CAMTA1: variants seen among roughly 807,000 people sequenced by gnomAD.
CAMTA1 encodes the protein calmodulin-binding transcription activator 1.
In CAMTA1, 27 loss-of-function variants were observed where a neutral mutation model predicts 170.9. The ratio of observed to expected loss-of-function variants is 0.16; its 90% CI spans 0.12 to 0.22. The LOEUF (loss-of-function observed/expected upper bound fraction) is 0.22. CAMTA1 is among the 10% of genes least tolerant of loss of function. The pLI is 1.00. For synonymous variants in CAMTA1, 833 were observed against 891.5 expected (o/e 0.93, Z 1.17); for missense variants, 1,619 against 2,217.2 (o/e 0.73, Z 5.42).
intron 11 of CAMTA1, among the ~76,000 whole-genome samples, chr1:7,718,122 G>C (rs1162728172): frequency 6.6e-6 from 1 of 151,926 alleles, no homozygotes; most frequent in Non-Finnish European, 1.5e-5. Context: ...TGTAGTCCCG[G>C]TGGCTAACAA....
chr1:7,680,833 G>A lies in CAMTA1; in HGVS notation c.2914+3100G>A, dbSNP rs868035028. Among the ~76,000 whole-genome samples the A allele has an allele frequency of 4.4e-5, 6 of 135,140 alleles. No homozygotes were observed. The highest frequency in any genetic ancestry group is 2.0e-4 in the East Asian group (1 of 4,908). 88.7% of individuals were successfully genotyped at this position (135,140 alleles called of 152,430 possible). ...CCGGGGGGGGGCGTGGGTCCGGGGCGCAGAGAACACGCGCGCGCGCGCGCG... is the reference window on the plus strand; with the variant it reads ...CCGGGGGGGGGCGTGGGTCCGGGGCACAGAGAACACGCGCGCGCGCGCGCG... On this transcript the variant is annotated intron_variant, in intron 11 of 22. Transcript: ENST00000303635. This position sits in a 1 kb window ranked among gnomAD's most constrained non-coding sequence, Gnocchi z 4.4.
At chr1:7,342,430 A>C (rs1306523794) in intron 5 of CAMTA1, among the ~76,000 whole-genome samples, 4 of 152,138 alleles carry the variant, frequency 2.6e-5, no homozygotes, top group Non-Finnish European at 5.9e-5. Flanking sequence ...TTCCCTGCTA[A>C]ATGGTTTCCT....
chr1:7,531,939 AT>A (rs1489974414), intron 6 of CAMTA1, among the ~76,000 whole-genome samples: 1 of 152,024 alleles, frequency 6.6e-6, no homozygotes, highest in African/African-American at 2.4e-5. Flanking sequence ...ACAGATAGTA[AT>A]TTTTTTCTAA....
chr1:6,937,138 A>G (rs1403079140), intron 3 of CAMTA1, among the ~76,000 whole-genome samples: 2 of 150,968 alleles, frequency 1.3e-5, no homozygotes, highest in Admixed American at 6.6e-5. Flanking sequence ...TACCACCACC[A>G]TCACCATCAC....
intron 5 of CAMTA1, among the ~76,000 whole-genome samples, chr1:7,347,555 G>C (rs180723525): frequency 1.3e-5 from 2 of 152,218 alleles, no homozygotes; most frequent in African/African-American, 4.8e-5. Flanking sequence ...GGTTTCCATA[G>C]CAAATTACCA....
intron 16 of CAMTA1, among the ~76,000 whole-genome samples, chr1:7,741,937 T>C (rs1300668070): frequency 2.5e-5 from 3 of 118,370 alleles, no homozygotes; most frequent in African/African-American, 8.8e-5. Context: ...ATGCCCGGCC[T>C]CGGGTTGTTT....
intron 5 of CAMTA1, among the ~76,000 whole-genome samples, chr1:7,398,191 CTCTATATATATATATATATATA>C (rs1368779299): frequency 2.6e-4 from 7 of 26,910 alleles, no homozygotes; most frequent in Admixed American, 1.8e-3. Context: ...CTCTCTCTCT[CTCTATATATATATATATATATA>C]TATATATATA....
intron 5 of CAMTA1, among the ~76,000 whole-genome samples, chr1:7,274,148 A>G (rs1220977085): frequency 9.8e-5 from 15 of 152,298 alleles, no homozygotes. Context: ...AAGCATTCCA[A>G]TTAAAAGCTA....
intron 5 of CAMTA1, among the ~76,000 whole-genome samples, chr1:7,273,693 G>A (rs921462274): frequency 1.3e-5 from 2 of 152,132 alleles, no homozygotes; most frequent in African/African-American, 2.4e-5. Flanking sequence ...AATACTAAAA[G>A]CATTGAAGTA....
intron 3 of CAMTA1, among the ~76,000 whole-genome samples, chr1:6,888,658 A>G (rs1445551901): frequency 2.6e-5 from 4 of 152,252 alleles, no homozygotes; most frequent in Non-Finnish European, 5.9e-5. Flanking sequence ...AAAGATATAG[A>G]GGAAACTTGG....
At chr1:6,819,779 C>T (rs1646275886) in intron 1 of CAMTA1, among the ~76,000 whole-genome samples, 1 of 152,178 alleles carries the variant, frequency 6.6e-6, no homozygotes, top group Non-Finnish European at 1.5e-5. Flanking sequence ...GTACTTCCTA[C>T]AAACAAGAAC....
intron 6 of CAMTA1, among the ~76,000 whole-genome samples, chr1:7,576,261 C>T (rs1214934939): frequency 2.0e-5 from 3 of 152,132 alleles, no homozygotes; most frequent in African/African-American, 4.8e-5. Context: ...CCATCCGCCT[C>T]GGCCACCCAA....
chr1:7,117,651 G>A (rs979945704), intron 4 of CAMTA1, among the ~76,000 whole-genome samples: 3 of 152,176 alleles, frequency 2.0e-5, no homozygotes, highest in African/African-American at 7.2e-5. Context: ...ACTGCCTACT[G>A]CCTTCCAGTG....
At chr1:7,350,482 G>T (rs925680995) in intron 5 of CAMTA1, among the ~76,000 whole-genome samples, 1 of 152,222 alleles carries the variant, frequency 6.6e-6, no homozygotes, top group Admixed American at 6.5e-5. Context: ...ACTCAAGGTG[G>T]AAAAGTGTAG....
chr1:7,488,800 A>C lies in CAMTA1; in HGVS notation c.510+20899A>C, dbSNP rs1041493419. ...TGTAATTTGCAATATAAATACACAC[A>C]TGTAATACAAATATGTACCTTAACA... On this transcript the variant is annotated intron_variant, in intron 6 of 22. Transcript: ENST00000303635. 1.8e-4 allele frequency among the ~76,000 whole-genome samples: 24 copies of C among 136,830 alleles called. No homozygotes were observed. The Admixed American group carries it at 1.8e-3, about 10-fold the overall frequency. 89.8% of individuals were successfully genotyped at this position (136,830 alleles called of 152,430 possible). A position where few individuals can be genotyped will look rare whatever the true frequency, so the allele number is the denominator to read the frequency against.
At chr1:7,143,687 C>G (rs904844034) in intron 4 of CAMTA1, among the ~76,000 whole-genome samples, 1 of 152,212 alleles carries the variant, frequency 6.6e-6, no homozygotes, top group Non-Finnish European at 1.5e-5. Flanking sequence ...CAGAACTACT[C>G]AGCTATATAG....
At position 7,063,957 on chromosome 1, in the gene CAMTA1, A is replaced by G. The variant is rs1708615055; in HGVS notation, c.235-27347A>G. Among the ~76,000 whole-genome samples the G allele has an allele frequency of 1.3e-5, 2 of 152,322 alleles. No individual in the cohort carries two copies. Among genetic ancestry groups the G allele is most frequent in the South Asian group, 4.1e-4 (2 of 4,824 alleles). On this transcript the variant is annotated intron_variant, in intron 3 of 22. Transcript: ENST00000303635. The surrounding 1 kb of genome is among the most constrained non-coding windows in gnomAD (Gnocchi z 4.3). ...AGACATTGATTTCTAACAGTTCTGGAGGCTGGGAAGTCCAAGATTAAGGCA... is the reference window on the plus strand; with the variant it reads ...AGACATTGATTTCTAACAGTTCTGGGGGCTGGGAAGTCCAAGATTAAGGCA...
At chr1:7,355,835 T>C (rs2085069834) in intron 5 of CAMTA1, among the ~76,000 whole-genome samples, 1 of 52 alleles carries the variant, frequency 0.019, no homozygotes, top group Non-Finnish European at 0.031. Flanking sequence ...TGCTGGTTCT[T>C]GGCGTTGCAC....
chr1:7,158,797 A>G (rs1022856570), intron 4 of CAMTA1, among the ~76,000 whole-genome samples: 6 of 152,226 alleles, frequency 3.9e-5, no homozygotes, highest in African/African-American at 7.2e-5. Flanking sequence ...TGAGCAATCT[A>G]TCTTTGGATT....
Sources: allele counts gnomAD v4.1 joint callset (sites outside exome capture counted in the v4.1 genomes callset), GRCh38; gene constraint gnomAD v4.1.1; non-coding constraint Gnocchi (gnomAD v3.1); transcripts MANE v1.5; gene names NCBI Gene and HGNC (gene_info 2026-07-23, HGNC 2026-07-21).